LRMDA: variants seen among roughly 807,000 people sequenced by gnomAD.
LRMDA encodes leucine-rich melanocyte differentiation-associated protein.
Under a neutral mutation model 29.8 loss-of-function variants are expected in LRMDA, and 18 were observed. The observed-to-expected ratio is 0.60, with a 90% CI of 0.42 to 0.90. The LOEUF (loss-of-function observed/expected upper bound fraction) is 0.90, where lower values mean the gene tolerates loss of function less well. Among genes scored for constraint, LRMDA ranks in the 40% least tolerant of loss-of-function variants. LRMDA has a pLI of 0.00. For missense variants in LRMDA, 273 were observed against 273.9 expected, an observed-to-expected ratio of 1.00 and a Z score of 0.02; for synonymous variants, 125 against 109.4, an observed-to-expected ratio of 1.14 and a Z score of -0.89.
At chr10:76,455,585 G>A (rs1224533773) in intron 6 of LRMDA, among the ~76,000 whole-genome samples, 3 of 152,124 alleles carry the variant, frequency 2.0e-5, no homozygotes, top group African/African-American at 4.8e-5. Flanking sequence ...ACAAAAGCAG[G>A]CCAAAAGGTC....
At chr10:76,108,978 T>C (rs1589330420) in intron 5 of LRMDA, among the ~76,000 whole-genome samples, 1 of 152,328 alleles carries the variant, frequency 6.6e-6, no homozygotes, top group East Asian at 1.9e-4. Flanking sequence ...GGGCAGCGAA[T>C]TTCTGAAAGG....
intron 2 of LRMDA, among the ~76,000 whole-genome samples, chr10:75,708,520 A>G (rs940103044): frequency 6.6e-6 from 1 of 152,172 alleles, no homozygotes; most frequent in Non-Finnish European, 1.5e-5. Flanking sequence ...TAATACCGCA[A>G]TGCCAGATAC....
intron 2 of LRMDA, among the ~76,000 whole-genome samples, chr10:75,587,206 A>G (rs1364753872): frequency 1.3e-5 from 2 of 152,190 alleles, no homozygotes; most frequent in East Asian, 3.8e-4. Flanking sequence ...ATTCATTTGG[A>G]TTCCATCAAT....
chr10:75,519,035 A>G (rs548835435), intron 2 of LRMDA, among the ~76,000 whole-genome samples: 111 of 152,226 alleles, frequency 7.3e-4, no homozygotes, highest in Admixed American at 1.3e-3. Flanking sequence ...CTTAATTCTG[A>G]GTTCTAATTT....
In LRMDA at chr10:75,846,033, A is replaced by G. The variant is rs558141667; in HGVS notation, c.132-189975A>G. Among the ~76,000 whole-genome samples the G allele has an allele frequency of 9.2e-5, 14 of 152,106 alleles. No homozygotes were observed. The South Asian group carries it at 2.3e-3, about 25-fold the overall frequency. On this transcript the variant is annotated intron_variant, in intron 2 of 6. Transcript: ENST00000611255. The stretch of plus-strand genomic sequence containing the variant: ...CTTTGTTGCTCTGCCTAAGGAATTC[A>G]CTCCTTAGGATGTTGAAGCCAGGCT...
chr10:76,236,372 C>T (rs1852152344), intron 5 of LRMDA, among the ~76,000 whole-genome samples: 1 of 152,160 alleles, frequency 6.6e-6, no homozygotes, highest in Admixed American at 6.5e-5. Context: ...TAGATAGGAT[C>T]TCTGACACTA....
intron 5 of LRMDA, among the ~76,000 whole-genome samples, chr10:76,122,245 T>G (rs1331756325): frequency 6.6e-6 from 1 of 151,924 alleles, no homozygotes; most frequent in African/African-American, 2.4e-5. Context: ...GGTCACCTGA[T>G]CACCTTAAGT....
intron 5 of LRMDA, among the ~76,000 whole-genome samples, chr10:76,138,835 G>A (rs1267787571): frequency 6.6e-6 from 1 of 152,126 alleles, no homozygotes; most frequent in Non-Finnish European, 1.5e-5. Flanking sequence ...TCACTTTGGA[G>A]ACTTTTAGCT....
At chr10:76,315,385 C>G (rs915165418) in intron 5 of LRMDA, among the ~76,000 whole-genome samples, 1 of 152,230 alleles carries the variant, frequency 6.6e-6, no homozygotes, top group Non-Finnish European at 1.5e-5. Flanking sequence ...CCTGTGCTCT[C>G]AGGGGCCTGG....
chr10:75,477,642 G>A (rs966738472), intron 2 of LRMDA, among the ~76,000 whole-genome samples: 1 of 152,220 alleles, frequency 6.6e-6, no homozygotes, highest in African/African-American at 2.4e-5. Flanking sequence ...ATGAAGGCTG[G>A]ATTTTTGCTT....
chr10:76,064,575 C>CACTTTACTA (rs1848754267), intron 5 of LRMDA, among the ~76,000 whole-genome samples: 1 of 152,174 alleles, frequency 6.6e-6, no homozygotes, highest in Non-Finnish European at 1.5e-5. Flanking sequence ...CCTAGTGTAG[C>CACTTTACTA]ACTTTACTAA....
At chr10:75,983,722 T>C (rs2132452005) in intron 2 of LRMDA, among the ~76,000 whole-genome samples, 1 of 152,306 alleles carries the variant, frequency 6.6e-6, no homozygotes, top group Non-Finnish European at 1.5e-5. Flanking sequence ...TGGCACAATC[T>C]TGGCTAACTG....
chr10:76,038,611 G>A (rs1477318590), intron 3 of LRMDA, among the ~76,000 whole-genome samples: 1 of 152,168 alleles, frequency 6.6e-6, no homozygotes, highest in Non-Finnish European at 1.5e-5. Context: ...AGAAAGGTAG[G>A]TAAAATCAGG....
At chr10:76,106,950 A>G (rs1051576914) in intron 5 of LRMDA, among the ~76,000 whole-genome samples, 29 of 152,192 alleles carry the variant, frequency 1.9e-4, no homozygotes, top group African/African-American at 7.0e-4. Flanking sequence ...TGCTGGTAAC[A>G]GCGCCTCCAT....
At chr10:76,161,400 C>T (rs976162007) in intron 5 of LRMDA, among the ~76,000 whole-genome samples, 10 of 152,136 alleles carry the variant, frequency 6.6e-5, no homozygotes, top group Non-Finnish European at 1.3e-4. Flanking sequence ...GAGCCGAGAT[C>T]CGAATGTGAG....
intron 6 of LRMDA, among the ~76,000 whole-genome samples, chr10:76,375,877 A>G (rs1841510975): frequency 6.6e-6 from 1 of 152,204 alleles, no homozygotes; most frequent in African/African-American, 2.4e-5. Flanking sequence ...AGAAAAGAAT[A>G]GAAGTGTGTT....
chr10:76,207,963 C>CA (rs945778304), intron 5 of LRMDA, among the ~76,000 whole-genome samples: 9 of 148,252 alleles, frequency 6.1e-5, no homozygotes, highest in Admixed American at 1.3e-4. Flanking sequence ...GACTCCATCT[C>CA]AAAAAAAAAA....
At chr10:76,244,687 AC>A (rs1852342482) in intron 5 of LRMDA, among the ~76,000 whole-genome samples, 2 of 151,840 alleles carry the variant, frequency 1.3e-5, no homozygotes, top group South Asian at 4.2e-4. Context: ...TGCGTATAAT[AC>A]TCTGGGCTGC....
intron 2 of LRMDA, among the ~76,000 whole-genome samples, chr10:75,794,341 GA>G (rs767428945): frequency 2.0e-5 from 3 of 152,100 alleles, no homozygotes; most frequent in Non-Finnish European, 2.9e-5. Flanking sequence ...TTTTCTTGTT[GA>G]TGGAAATTTG....
Sources: allele counts gnomAD v4.1 joint callset (sites outside exome capture counted in the v4.1 genomes callset), GRCh38; gene constraint gnomAD v4.1.1; transcripts MANE v1.5; gene names NCBI Gene and HGNC (gene_info 2026-07-23, HGNC 2026-07-21).